Variants in MAPK6 observed in about 807,000 individuals in gnomAD.
The protein encoded by MAPK6 is mitogen-activated protein kinase 6.
A neutral mutation model predicts 59.3 loss-of-function variants in MAPK6; 19 were observed. The ratio of observed to expected loss-of-function variants is 0.32; its 90% confidence interval spans 0.22 to 0.47. The LOEUF (loss-of-function observed/expected upper bound fraction) is 0.47, where lower values mean the gene tolerates loss of function less well. MAPK6 is among the 20% of genes least tolerant of loss of function. MAPK6 has a pLI of 1.00. For missense variants in MAPK6, 724 were observed against 847.9 expected, an observed-to-expected ratio of 0.85 and a Z score of 1.81; for synonymous variants, 316 against 290.3, an observed-to-expected ratio of 1.09 and a Z score of -0.90.
In MAPK6 at chr15:52,043,392, G is replaced by A. The variant is rs1487175496; in HGVS notation, c.-631-2438G>A. Among the ~76,000 whole-genome samples, 4 of 152,032 alleles carry A rather than the reference G, an allele frequency of 2.6e-5. No individual in the cohort carries two copies. The East Asian group carries it at 5.8e-4, about 22-fold the overall frequency. On this transcript the variant is annotated intron_variant, in intron 1 of 5. Coordinates refer to ENST00000261845, the MANE Select transcript of MAPK6 (RefSeq NM_002748.4). ...ACCTCACTGCAACCTCCACCTCCCA[G>A]GTCCAAGCGATTCTCTTGCCTCAGC...
At chr15:51,974,996 C>T (rs536768279) in intron 1 of MAPK6, among the ~76,000 whole-genome samples, 8 of 151,440 alleles carry the variant, frequency 5.3e-5, no homozygotes, top group Non-Finnish European at 1.0e-4. Context: ...GGATTACTGG[C>T]GTCAGCCACC....
chr15:52,061,721 C>T (rs983587397), intron 5 of MAPK6, among the ~76,000 whole-genome samples: 5 of 151,904 alleles, frequency 3.3e-5, no homozygotes, highest in African/African-American at 9.7e-5. Flanking sequence ...CCGAGGCTGC[C>T]GAGATTATGC....
At chr15:52,002,260 GTA>G (rs2057244145) in intron 2 of MAPK6, among the ~76,000 whole-genome samples, 1 of 152,024 alleles carries the variant, frequency 6.6e-6, no homozygotes, top group African/African-American at 2.4e-5. Context: ...TCTTCCATTG[GTA>G]TACAATCCCA....
At chr15:52,016,107 C>CACACACACACACACACAA (rs1267339787), upstream of MAPK6, among the ~76,000 whole-genome samples, 12 of 136,322 alleles carry the variant, frequency 8.8e-5, no homozygotes, top group South Asian at 2.5e-4. Context: ...CACACACACA[C>CACACACACACACACACAA]AAACTAAAAC....
chr15:52,056,837 TGAC>T (rs1566912933), intron 3 of MAPK6: 1 of 135,100 alleles, frequency 7.4e-6, no homozygotes, highest in Non-Finnish European at 1.5e-5. Context: ...TATCTGATGA[TGAC>T]TCCTGAATTT....
At chr15:52,060,842 C>G (rs1272571227) in intron 4 of MAPK6, among the ~76,000 whole-genome samples, 1 of 152,134 alleles carries the variant, frequency 6.6e-6, no homozygotes, top group Non-Finnish European at 1.5e-5. Flanking sequence ...TATTACATAC[C>G]AGACACTATG....
At chr15:51,978,858 C>T (rs2057164739) in intron 1 of MAPK6, among the ~76,000 whole-genome samples, 1 of 151,742 alleles carries the variant, frequency 6.6e-6, no homozygotes, top group South Asian at 2.1e-4. Context: ...TGGTGGTTCA[C>T]ACCGATAACC....
At chr15:52,061,679 C>G (rs1249725326) in intron 5 of MAPK6, among the ~76,000 whole-genome samples, 179 bp downstream of exon 5, 3 of 152,032 alleles carry the variant, frequency 2.0e-5, no homozygotes, top group African/African-American at 7.2e-5. Flanking sequence ...TACTTGGAGG[C>G]TGAGGCAGGA....
chr15:52,061,603 A>T, intron 5 of MAPK6, 103 bp downstream of exon 5: 2 of 890,618 alleles, frequency 2.2e-6, no homozygotes, highest in South Asian at 3.6e-5. Flanking sequence ...TAGAAGTCTT[A>T]AAAATTTAGT....
At chr15:52,025,232 C>A (rs2030722555) in intron 1 of MAPK6, among the ~76,000 whole-genome samples, 1 of 152,148 alleles carries the variant, frequency 6.6e-6, no homozygotes, top group Non-Finnish European at 1.5e-5. Context: ...CAGCAAGAGA[C>A]CCTGTCTCAA....
intron 2 of MAPK6, among the ~76,000 whole-genome samples, chr15:51,987,909 G>A (rs1217199059): frequency 6.6e-6 from 1 of 151,816 alleles, no homozygotes; most frequent in East Asian, 1.9e-4. Flanking sequence ...GGGATTACAG[G>A]CGCACGCCAC....
intron 3 of MAPK6, chr15:52,011,572 G>A (rs935181431): frequency 4.6e-5 from 7 of 152,118 alleles, no homozygotes; most frequent in Non-Finnish European, 1.0e-4. Context: ...TTAAAAAGGT[G>A]TCTTGAAACA....
rs959808857 is a variant in MAPK6 at position 52,066,405 on chromosome 15, T to C, written c.*1405T>C. 6.6e-6 allele frequency: 1 copy of C among 152,166 alleles called. No individual in the cohort carries two copies. Among genetic ancestry groups the C allele is most frequent in the African/African-American group, 2.4e-5 (1 of 41,414 alleles). 9.4% of individuals were successfully genotyped at this position (152,166 alleles called of 1,614,324 possible). A position where few individuals can be genotyped will look rare whatever the true frequency, so the allele number is the denominator to read the frequency against. ...GTCTTTTGACTTAAACCATCACATA[T>C]TAGAATGGAATAAAGCTTTATAATA... On this transcript the variant is annotated 3_prime_UTR_variant, in exon 6 of 6. Coordinates refer to ENST00000261845, the MANE Select transcript of MAPK6 (RefSeq NM_002748.4).
chr15:52,058,726 T>C lies in MAPK6; in HGVS notation c.794T>C (p.Val265Ala). ...DRQELLSVIPVYIRNDMTEPH... is the reference protein window; with the variant it reads ...DRQELLSVIPAYIRNDMTEPH... ...CAGGAGCTTCTCAGCGTAATTCCAGTTTACATTAGAAATGACATGACTGAG... is the reference window on the plus strand; with the variant it reads ...CAGGAGCTTCTCAGCGTAATTCCAGCTTACATTAGAAATGACATGACTGAG... The change falls in exon 4 of 6, where the codon GTT becomes GCT. Residue 265 changes from valine to alanine, a missense_variant. Physicochemically the swap from Val to Ala is moderately conservative, Grantham distance 64. Transcript: ENST00000261845. The C allele has an allele frequency of 6.2e-7, 1 of 1,613,568 alleles. No homozygotes were observed. Among genetic ancestry groups the C allele is most frequent in the Non-Finnish European group, 8.5e-7 (1 of 1,179,682 alleles).
At chr15:52,059,843 C>T (rs1445010647) in intron 4 of MAPK6, among the ~76,000 whole-genome samples, 1 of 152,178 alleles carries the variant, frequency 6.6e-6, no homozygotes, top group Non-Finnish European at 1.5e-5. Flanking sequence ...ATTGTATGCT[C>T]CATACTACTT....
intron 1 of MAPK6, among the ~76,000 whole-genome samples, chr15:52,033,435 A>G (rs956807433): frequency 1.3e-5 from 2 of 152,082 alleles, no homozygotes; most frequent in African/African-American, 4.8e-5. Context: ...TTCATTTTTC[A>G]TCCGTCCTGG....
intron 2 of MAPK6, among the ~76,000 whole-genome samples, chr15:52,049,448 C>T (rs1347735240): frequency 6.7e-6 from 1 of 149,620 alleles, no homozygotes; most frequent in African/African-American, 2.5e-5. Context: ...CCACCTCAGC[C>T]TCCCAAGTAA....
At chr15:52,057,869 T>G (rs1156364220) in intron 3 of MAPK6, among the ~76,000 whole-genome samples, 3 of 152,240 alleles carry the variant, frequency 2.0e-5, no homozygotes, top group Non-Finnish European at 4.4e-5. Context: ...TAAGACCTAC[T>G]TTACAGAATT....
At chr15:51,980,625 C>G (rs1462102258) in intron 1 of MAPK6, among the ~76,000 whole-genome samples, 1 of 150,724 alleles carries the variant, frequency 6.6e-6, no homozygotes, top group Non-Finnish European at 1.5e-5. Flanking sequence ...GAGTCTTGCT[C>G]TGTTGCCCAG....
Sources: allele counts gnomAD v4.1 joint callset (sites outside exome capture counted in the v4.1 genomes callset), GRCh38; gene constraint gnomAD v4.1.1; transcripts MANE v1.5; gene names NCBI Gene and HGNC (gene_info 2026-07-23, HGNC 2026-07-21).